The following LRRC37A2 variants were observed in gnomAD, a reference collection of about 807,000 sequenced individuals.
The protein encoded by LRRC37A2 is leucine-rich repeat-containing protein 37A2.
A neutral mutation model predicts 68.8 loss-of-function variants in LRRC37A2; 9 were observed. The ratio of observed to expected loss-of-function variants is 0.13; its 90% CI spans 0.08 to 0.23. The LOEUF is 0.23. Among genes scored for constraint, LRRC37A2 ranks in the 10% least tolerant of loss-of-function variants. The probability of loss-of-function intolerance (pLI) is 1.00; values close to 1 mark genes in which losing one functional copy is unlikely to be tolerated. For synonymous variants in LRRC37A2, 63 were observed against 367.6 expected (o/e 0.17, Z 9.48); for missense variants, 168 against 950.4 (o/e 0.18, Z 10.82).
At chr17:46,772,246 C>T in the LRRC37A2 span, among the ~76,000 whole-genome samples, 1 of 152,160 alleles carries the variant, frequency 6.6e-6, no homozygotes, top group Non-Finnish European at 1.5e-5. Flanking sequence ...CTCTCGGGCA[C>T]ACATCGCCCC....
the LRRC37A2 span, among the ~76,000 whole-genome samples, chr17:46,437,762 C>T: frequency 1.4e-5 from 2 of 139,304 alleles, no homozygotes; most frequent in Non-Finnish European, 3.2e-5. Context: ...CTTAGCAAGA[C>T]TTAAGCACCT....
the LRRC37A2 span, among the ~76,000 whole-genome samples, chr17:46,797,523 A>G: frequency 7.2e-5 from 11 of 152,234 alleles, no homozygotes; most frequent in Admixed American, 7.2e-4. Flanking sequence ...GCCTTGGGCC[A>G]TGGGAAAAAC....
the LRRC37A2 span, among the ~76,000 whole-genome samples, chr17:46,455,922 C>T: frequency 9.3e-6 from 1 of 107,820 alleles, no homozygotes; most frequent in Non-Finnish European, 2.0e-5. Context: ...GTTTTTTATT[C>T]CTCACTCCCC....
the LRRC37A2 span, chr17:46,978,987 G>A: frequency 2.1e-6 from 3 of 1,432,246 alleles, no homozygotes; most frequent in Non-Finnish European, 2.7e-6. Flanking sequence ...AGCCGCTGTG[G>A]TTCAGGAAGG....
the LRRC37A2 span, chr17:47,042,133 CTCA>C: frequency 2.9e-5 from 4 of 139,754 alleles, no homozygotes; most frequent in African/African-American, 1.0e-4. Context: ...AAAAAGAAGT[CTCA>C]TCGACCACAG....
chr17:46,777,773 C>T, the LRRC37A2 span, among the ~76,000 whole-genome samples: 1 of 152,232 alleles, frequency 6.6e-6, no homozygotes, highest in African/African-American at 2.4e-5. Context: ...GCGACTTATG[C>T]AAGGAAGTGG....
the LRRC37A2 span, among the ~76,000 whole-genome samples, chr17:46,495,337 T>C: frequency 6.7e-6 from 1 of 148,582 alleles, no homozygotes; most frequent in Non-Finnish European, 1.5e-5. Flanking sequence ...CCTCCCAAAG[T>C]GCTGGGATTC....
the LRRC37A2 span, among the ~76,000 whole-genome samples, chr17:46,942,931 C>T: frequency 3.9e-5 from 6 of 152,216 alleles, no homozygotes; most frequent in South Asian, 2.1e-4. Flanking sequence ...TCCCTCCCCG[C>T]CTCATCCCCA....
chr17:46,769,315 C>CAAAAAAA, the LRRC37A2 span, among the ~76,000 whole-genome samples: 5 of 102,852 alleles, frequency 4.9e-5, no homozygotes, highest in African/African-American at 1.8e-4. Flanking sequence ...GACTCCGTCT[C>CAAAAAAA]AAAAAAAAAA....
the LRRC37A2 span, among the ~76,000 whole-genome samples, chr17:46,709,506 T>C: frequency 5.9e-5 from 9 of 151,958 alleles, no homozygotes; most frequent in East Asian, 1.7e-3. Flanking sequence ...TTTTTTTTTT[T>C]TTAAATGAGA....
At chr17:46,704,812 G>A in the LRRC37A2 span, 40 of 1,609,714 alleles carry the variant, frequency 2.5e-5, no homozygotes, top group East Asian at 5.8e-4. Flanking sequence ...TGCAAGTGAC[G>A]AGAGGAGACT....
the LRRC37A2 span, among the ~76,000 whole-genome samples, chr17:46,865,526 G>A: frequency 0.01 from 1,549 of 152,274 alleles, 28 homozygotes; most frequent in African/African-American, 0.035. Flanking sequence ...AGGAAGGCTG[G>A]ATCCAGGAGT....
the LRRC37A2 span, among the ~76,000 whole-genome samples, chr17:46,835,493 G>A: frequency 6.6e-6 from 1 of 152,234 alleles, no homozygotes; most frequent in African/African-American, 2.4e-5. Flanking sequence ...TTACAGGCAT[G>A]AGCCACCACG....
chr17:46,877,265 G>A, the LRRC37A2 span, among the ~76,000 whole-genome samples: 1 of 152,242 alleles, frequency 6.6e-6, no homozygotes, highest in Non-Finnish European at 1.5e-5. Flanking sequence ...TGCTGTGCCA[G>A]AGATGGGGAG....
At chr17:46,771,688 TCCCGCGGCCGGGCCGCGCCCCCGGC>T in the LRRC37A2 span, among the ~76,000 whole-genome samples, 4 of 140,062 alleles carry the variant, frequency 2.9e-5, no homozygotes, top group African/African-American at 5.2e-5. Context: ...AACGGGCGGC[TCCCGCGGCCGGGCCGCGCCCCCGGC>T]CCCGGCGCCG....
the LRRC37A2 span, among the ~76,000 whole-genome samples, chr17:46,726,072 C>A: frequency 3.9e-5 from 6 of 152,242 alleles, no homozygotes; most frequent in African/African-American, 1.4e-4. Context: ...ACCTTTAATT[C>A]TTTTGTAAGC....
At chr17:47,001,612 A>C in the LRRC37A2 span, among the ~76,000 whole-genome samples, 1 of 151,904 alleles carries the variant, frequency 6.6e-6, no homozygotes, top group African/African-American at 2.4e-5. Context: ...CCATCCTCCC[A>C]AAAAATTTCC....
chr17:46,829,285 A>C, the LRRC37A2 span, among the ~76,000 whole-genome samples: 1 of 151,990 alleles, frequency 6.6e-6, no homozygotes, highest in African/African-American at 2.4e-5. Flanking sequence ...CTCCTGCCTC[A>C]GCCTCCCCAG....
chr17:46,711,227 C>A, the LRRC37A2 span: 2 of 1,066,862 alleles, frequency 1.9e-6, no homozygotes, highest in South Asian at 2.3e-5. Context: ...CGTTTTTAAC[C>A]TTGTTCTTGA....
Sources: allele counts gnomAD v4.1 joint callset (sites outside exome capture counted in the v4.1 genomes callset), GRCh38; gene constraint gnomAD v4.1.1; transcripts MANE v1.5; gene names NCBI Gene and HGNC (gene_info 2026-07-23, HGNC 2026-07-21).